Variants in TNIK observed in about 807,000 individuals in gnomAD.
TNIK encodes TRAF2 and NCK interacting kinase, also known as TRAF2 and NCK-interacting protein kinase.
A neutral mutation model predicts 191.3 loss-of-function variants in TNIK; 49 were observed. The ratio of observed to expected loss-of-function variants is 0.26; its 90% CI spans 0.20 to 0.32. The LOEUF is 0.32. TNIK is among the 10% of genes least tolerant of loss of function. The pLI is 1.00. For missense variants in TNIK, 1,155 were observed against 1,702.3 expected (o/e 0.68, Z 5.66); for synonymous variants, 594 against 600.9 (o/e 0.99, Z 0.17).
At chr3:171,328,645 G>A (rs754481065) in intron 2 of TNIK, among the ~76,000 whole-genome samples, 9 of 152,314 alleles carry the variant, frequency 5.9e-5, no homozygotes, top group Middle Eastern at 3.4e-3. Context: ...GCATAAAGCC[G>A]AATGCCTGAA....
chr3:171,257,025 T>C (rs1404437712), intron 2 of TNIK, among the ~76,000 whole-genome samples: 1 of 152,154 alleles, frequency 6.6e-6, no homozygotes, highest in East Asian at 1.9e-4. Context: ...AAGAACTGTT[T>C]ACTCTGGTTT....
intron 2 of TNIK, among the ~76,000 whole-genome samples, chr3:171,328,756 A>C (rs374970622): frequency 6.6e-6 from 1 of 152,212 alleles, no homozygotes; most frequent in East Asian, 1.9e-4. Context: ...CTGGCTCCCC[A>C]CCCTCTCCAG....
intron 2 of TNIK, among the ~76,000 whole-genome samples, chr3:171,356,504 C>T (rs1292758417): frequency 2.0e-5 from 3 of 152,158 alleles, no homozygotes; most frequent in Admixed American, 6.5e-5. Context: ...AGATGAGAAG[C>T]ACTATATATT....
At chr3:171,446,871 A>G (rs1727561648) in intron 1 of TNIK, among the ~76,000 whole-genome samples, 1 of 152,208 alleles carries the variant, frequency 6.6e-6, no homozygotes, top group African/African-American at 2.4e-5. Flanking sequence ...CACTTGCTGG[A>G]TAATTTTCCA....
chr3:171,316,287 T>C (rs1754587820), intron 2 of TNIK, among the ~76,000 whole-genome samples: 1 of 151,872 alleles, frequency 6.6e-6, no homozygotes, highest in South Asian at 2.1e-4. Context: ...ATTACCTAGA[T>C]ACAAGCAGAA....
chr3:171,197,024 G>A (rs1256317593), intron 4 of TNIK, among the ~76,000 whole-genome samples: 1 of 152,152 alleles, frequency 6.6e-6, no homozygotes, highest in Non-Finnish European at 1.5e-5. Context: ...CAAAGTGTTG[G>A]GATTACAGGC....
At chr3:171,376,331 T>G (rs1019515725) in intron 1 of TNIK, among the ~76,000 whole-genome samples, 1 of 152,162 alleles carries the variant, frequency 6.6e-6, no homozygotes, top group Admixed American at 6.5e-5. Context: ...CAAAGGTAAT[T>G]TTTTACTTTA....
At chr3:171,203,451 T>C (rs1739663245) in intron 4 of TNIK, among the ~76,000 whole-genome samples, 1 of 152,226 alleles carries the variant, frequency 6.6e-6, no homozygotes, top group Admixed American at 6.5e-5. Flanking sequence ...AAATTTGATA[T>C]GTGCCCTCTA....
chr3:171,406,162 G>T (rs1293069665), intron 1 of TNIK, among the ~76,000 whole-genome samples: 1 of 150,592 alleles, frequency 6.6e-6, no homozygotes, highest in Admixed American at 6.6e-5. Flanking sequence ...AGCTAGAAGT[G>T]AAAAAAAAAA....
chr3:171,262,906 T>C (rs1747822288), intron 2 of TNIK, among the ~76,000 whole-genome samples: 1 of 152,130 alleles, frequency 6.6e-6, no homozygotes. Context: ...GAGGCAAAAA[T>C]CCATTGGAGG....
At chr3:171,173,663 G>A (rs1735615449) in intron 9 of TNIK, among the ~76,000 whole-genome samples, 2 of 152,166 alleles carry the variant, frequency 1.3e-5, no homozygotes, top group African/African-American at 4.8e-5. Flanking sequence ...TATGACCATA[G>A]TGTGACAGCC....
At chr3:171,447,669 A>G (rs1727673584) in intron 1 of TNIK, among the ~76,000 whole-genome samples, 1 of 152,272 alleles carries the variant, frequency 6.6e-6, no homozygotes, top group African/African-American at 2.4e-5. Flanking sequence ...AGCACAAGAA[A>G]TTGGAAGCCA....
intron 17 of TNIK, among the ~76,000 whole-genome samples, chr3:171,124,684 C>T (rs1728225189): frequency 6.6e-6 from 1 of 152,130 alleles, no homozygotes; most frequent in South Asian, 2.1e-4. Flanking sequence ...AATGCTACTA[C>T]CTGTTCAAAT....
At chr3:171,321,368 C>T (rs1755147358) in intron 2 of TNIK, among the ~76,000 whole-genome samples, 1 of 151,924 alleles carries the variant, frequency 6.6e-6, no homozygotes, top group Non-Finnish European at 1.5e-5. Flanking sequence ...AAAAAGTAAA[C>T]CAAAATTGTC....
chr3:171,442,933 A>G (rs374910381), intron 1 of TNIK, among the ~76,000 whole-genome samples: 1 of 152,246 alleles, frequency 6.6e-6, no homozygotes, highest in East Asian at 1.9e-4. Context: ...AATGATGGCT[A>G]CAATACCAGC....
At chr3:171,068,796 C>T (rs1718797045) in intron 30 of TNIK, 52 bp downstream of exon 30, 10 of 1,526,040 alleles carry the variant, frequency 6.6e-6, no homozygotes, top group Non-Finnish European at 7.9e-6. Context: ...TCTCTTTCTA[C>T]ATGCAGGCTG....
At chr3:171,301,743 A>C (rs927657347) in intron 2 of TNIK, among the ~76,000 whole-genome samples, 3 of 152,226 alleles carry the variant, frequency 2.0e-5, no homozygotes, top group East Asian at 3.8e-4. Context: ...GGATCAAAAG[A>C]AGCAGCTATA....
chr3:171,410,495 C>T (rs1001281519), intron 1 of TNIK, among the ~76,000 whole-genome samples: 3 of 152,092 alleles, frequency 2.0e-5, no homozygotes, highest in African/African-American at 7.2e-5. Context: ...AAGACTTTGC[C>T]TGGGCTGGGC....
At chr3:171,244,190 G>A (rs746062709) in intron 2 of TNIK, among the ~76,000 whole-genome samples, 1 of 150,940 alleles carries the variant, frequency 6.6e-6, no homozygotes, top group African/African-American at 2.4e-5. Flanking sequence ...TCAGCCTCCC[G>A]AGTAGCTGGG....
Sources: allele counts gnomAD v4.1 joint callset (sites outside exome capture counted in the v4.1 genomes callset), GRCh38; gene constraint gnomAD v4.1.1; transcripts MANE v1.5; gene names NCBI Gene and HGNC (gene_info 2026-07-23, HGNC 2026-07-21).